PDE4D: variants seen among roughly 807,000 people sequenced by gnomAD.
The protein encoded by PDE4D is 3',5'-cyclic-AMP phosphodiesterase 4D.
PDE4D carries 24 observed loss-of-function variants against 87.4 expected under a neutral mutation model. That is an observed-to-expected ratio of 0.27 (90% CI 0.20 to 0.39). PDE4D has a LOEUF of 0.39. Among genes scored for constraint, PDE4D ranks in the 10% least tolerant of loss-of-function variants. The probability of loss-of-function intolerance (pLI) is 1.00; values close to 1 mark genes in which losing one functional copy is unlikely to be tolerated. For synonymous variants in PDE4D, 384 were observed against 383.2 expected (o/e 1.00, Z -0.02); for missense variants, 714 against 1,041.0 (o/e 0.69, Z 4.32).
chr5:59,939,717 G>A (rs1254083772), intron 3 of PDE4D, among the ~76,000 whole-genome samples: 1 of 152,108 alleles, frequency 6.6e-6, no homozygotes, highest in Non-Finnish European at 1.5e-5. Flanking sequence ...GCAGTGGGGA[G>A]CATAACTAAT....
rs375608533 is a variant in PDE4D, at chr5:59,544,220, T to C, written c.456-328252A>G. Among the ~76,000 whole-genome samples, 80 of 152,304 alleles carry C rather than the reference T, an allele frequency of 5.3e-4. No homozygotes were observed. The East Asian group carries it at 5.4e-3, about 10-fold the overall frequency. ...ACACATTCCTGGATTCTCTCATTCA[T>C]TGAAGAAGGAACTCAGGGATTGAAT... On this transcript the variant is annotated intron_variant, in intron 1 of 14. Transcript: ENST00000340635.
At chr5:59,903,155 T>A (rs1752450225) in intron 3 of PDE4D, among the ~76,000 whole-genome samples, 1 of 152,176 alleles carries the variant, frequency 6.6e-6, no homozygotes, top group Non-Finnish European at 1.5e-5. Context: ...GGAGTGAGAA[T>A]GCAATTTTAT....
intron 2 of PDE4D, among the ~76,000 whole-genome samples, chr5:60,036,266 C>T (rs763990578): frequency 2.0e-5 from 3 of 152,148 alleles, no homozygotes; most frequent in Non-Finnish European, 4.4e-5. Context: ...TGTCCTAAAG[C>T]TCATGCAGAC....
intron 1 of PDE4D, among the ~76,000 whole-genome samples, chr5:60,252,608 G>C (rs1008629074): frequency 6.6e-6 from 1 of 151,752 alleles, no homozygotes; most frequent in Non-Finnish European, 1.5e-5. Context: ...CTGATAATGA[G>C]ACGGATAGAA....
chr5:59,925,753 C>T (rs1174610788), intron 3 of PDE4D, among the ~76,000 whole-genome samples: 1 of 152,106 alleles, frequency 6.6e-6, no homozygotes, highest in Non-Finnish European at 1.5e-5. Context: ...AGGACAAAAA[C>T]TATAAAAAGA....
At chr5:60,039,590 A>G (rs1218251594) in intron 2 of PDE4D, among the ~76,000 whole-genome samples, 1 of 151,900 alleles carries the variant, frequency 6.6e-6, no homozygotes, top group Non-Finnish European at 1.5e-5. Context: ...TATAATAATA[A>G]TAAAAGAAAA....
chr5:60,164,923 A>T (rs1782759080), intron 2 of PDE4D, among the ~76,000 whole-genome samples: 5 of 152,186 alleles, frequency 3.3e-5, no homozygotes, highest in Non-Finnish European at 1.5e-5. Flanking sequence ...CTTTCCTAGC[A>T]TTTCTCAATA....
chr5:59,720,543 T>C (rs945583648), intron 1 of PDE4D, among the ~76,000 whole-genome samples: 1 of 152,162 alleles, frequency 6.6e-6, no homozygotes, highest in Non-Finnish European at 1.5e-5. Flanking sequence ...GTAAGATTTC[T>C]AAAGTTTCAA....
Position 59,418,786 on chromosome 5 carries a change from T to C in PDE4D, c.456-202818A>G, listed in dbSNP as rs117070920. Among the ~76,000 whole-genome samples, 23 of 152,208 alleles carry C rather than the reference T, an allele frequency of 1.5e-4. No individual in the cohort carries two copies. In the East Asian group the frequency reaches 4.1e-3, roughly 27 times the overall value. ...GCCTCAGACACAAGAGTAGCTGGGATTACAGGTGCATGCCACCACACTTGG... is the reference window on the plus strand; with the variant it reads ...GCCTCAGACACAAGAGTAGCTGGGACTACAGGTGCATGCCACCACACTTGG... On this transcript the variant is annotated intron_variant, in intron 1 of 14. Transcript: ENST00000340635.
chr5:59,943,871 G>A (rs752792331), intron 3 of PDE4D, among the ~76,000 whole-genome samples: 1 of 152,184 alleles, frequency 6.6e-6, no homozygotes, highest in Non-Finnish European at 1.5e-5. Flanking sequence ...GCAGTTAGAG[G>A]AGTGCCCTAG....
At chr5:60,319,536 G>A (rs377660436) in intron 1 of PDE4D, among the ~76,000 whole-genome samples, 6 of 152,102 alleles carry the variant, frequency 3.9e-5, no homozygotes, top group East Asian at 1.9e-4. Context: ...GAGGAGCTGC[G>A]TTCCTTTGGA....
chr5:59,135,697 C>A (rs1776959415), intron 5 of PDE4D, among the ~76,000 whole-genome samples: 1 of 148,888 alleles, frequency 6.7e-6, no homozygotes, highest in African/African-American at 2.5e-5. Context: ...CATACGCCAG[C>A]ACTATGCAGA....
intron 2 of PDE4D, among the ~76,000 whole-genome samples, chr5:59,205,166 G>C (rs1422904080): frequency 6.6e-6 from 1 of 152,054 alleles, no homozygotes; most frequent in Non-Finnish European, 1.5e-5. Flanking sequence ...AGTGGTCCTT[G>C]TCAAAGTCAG....
In PDE4D at chr5:58,977,385, TTGTGAGAAGTTTATC is replaced by T. The variant is rs771489440; in HGVS notation, c.1553-55_1553-41del. ...AAAGGCCAAAGATCAGCAAAACTGTTTGTGAGAAGTTTATCTGATTCTTAAAATTCTGGATTTAGG... is the reference window on the plus strand; with the variant it reads ...AAAGGCCAAAGATCAGCAAAACTGTTTGATTCTTAAAATTCTGGATTTAGG... On this transcript the variant is annotated intron_variant, in intron 11 of 14. Coordinates refer to ENST00000340635, the MANE Select transcript of PDE4D (RefSeq NM_001104631.2). 15 of 1,572,216 alleles carry T rather than the reference TTGTGAGAAGTTTATC, an allele frequency of 9.5e-6. No individual in the cohort carries two copies. The African/African-American group carries it at 1.8e-4, about 19-fold the overall frequency.
chr5:59,907,232 C>T (rs890953324), intron 3 of PDE4D, among the ~76,000 whole-genome samples: 4 of 152,066 alleles, frequency 2.6e-5, no homozygotes, highest in African/African-American at 9.7e-5. Context: ...GATGGTATCT[C>T]ATTGTGGTTT....
At chr5:60,032,333 T>C (rs138961426) in intron 2 of PDE4D, among the ~76,000 whole-genome samples, 302 of 152,208 alleles carry the variant, frequency 2.0e-3, no homozygotes, top group African/African-American at 6.9e-3. Flanking sequence ...TCAGGCTATT[T>C]AGTTTGGTAA....
intron 1 of PDE4D, chr5:59,768,769 A>T (rs1230701668): frequency 2.6e-6 from 2 of 759,630 alleles, no homozygotes; most frequent in Non-Finnish European, 3.9e-6. Context: ...GCAAATGAAC[A>T]AGGAGGGAAA....
rs184722045 is a variant in PDE4D at position 59,323,444 on chromosome 5, C to T, written c.456-107476G>A. Among the ~76,000 whole-genome samples, 301 of 152,146 alleles carry T rather than the reference C, an allele frequency of 2.0e-3. 1 individual carries two copies. The highest frequency in any genetic ancestry group is 9.7e-3 in the South Asian group (47 of 4,822). ...TCTCTTGAATTTCATACAGAATAAG[C>T]CCTTCATTAGTTACAATTTAAATTA... is the stretch of plus-strand genomic sequence containing the variant. On this transcript the variant is annotated intron_variant, in intron 1 of 14. Coordinates refer to ENST00000340635, the MANE Select transcript of PDE4D (RefSeq NM_001104631.2).
At chr5:59,000,000 C>T (rs1750155140) in intron 6 of PDE4D, 2 of 760,396 alleles carry the variant, frequency 2.6e-6, no homozygotes, top group Non-Finnish European at 3.2e-6. Flanking sequence ...CAATTGCATT[C>T]CAGCTCTTAG....
Sources: allele counts gnomAD v4.1 joint callset (sites outside exome capture counted in the v4.1 genomes callset), GRCh38; gene constraint gnomAD v4.1.1; transcripts MANE v1.5; gene names NCBI Gene and HGNC (gene_info 2026-07-23, HGNC 2026-07-21).